Variants in CNTNAP2 observed in about 807,000 individuals in gnomAD.
The protein encoded by CNTNAP2 is contactin-associated protein-like 2.
In CNTNAP2, 98 loss-of-function variants were observed where a neutral mutation model predicts 155.2. That is an observed-to-expected ratio of 0.63 (90% CI 0.54 to 0.75). The LOEUF (loss-of-function observed/expected upper bound fraction) is 0.75, where lower values mean the gene tolerates loss of function less well. Among genes scored for constraint, CNTNAP2 ranks in the 30% least tolerant of loss-of-function variants. CNTNAP2 has a pLI of 0.00. For synonymous variants in CNTNAP2, 651 were observed against 631.2 expected (o/e 1.03, Z -0.47); for missense variants, 1,727 against 1,688.1 (o/e 1.02, Z -0.40).
At chr7:147,733,820 T>C (rs1474934069) in intron 13 of CNTNAP2, among the ~76,000 whole-genome samples, 1 of 152,224 alleles carries the variant, frequency 6.6e-6, no homozygotes, top group Admixed American at 6.5e-5. Context: ...GCTCTCTGTC[T>C]GTTATTGGTG....
At chr7:146,776,118 A>C (rs1802386033) in intron 2 of CNTNAP2, among the ~76,000 whole-genome samples, 1 of 152,174 alleles carries the variant, frequency 6.6e-6, no homozygotes. Context: ...GGGACTGGCC[A>C]TACCCAAATG....
intron 3 of CNTNAP2, among the ~76,000 whole-genome samples, chr7:146,928,876 G>C (rs1372820203): frequency 2.0e-5 from 3 of 152,212 alleles, no homozygotes; most frequent in African/African-American, 7.2e-5. Context: ...TGGCAGGGAG[G>C]CTGGGGGAGG....
intron 3 of CNTNAP2, among the ~76,000 whole-genome samples, chr7:146,848,350 A>G (rs1214948787): frequency 2.0e-5 from 3 of 152,218 alleles, no homozygotes; most frequent in Non-Finnish European, 4.4e-5. Context: ...TATCGTGAAA[A>G]AAGAGTGAGC....
chr7:148,340,445 C>T (rs1563050137), intron 21 of CNTNAP2, among the ~76,000 whole-genome samples: 1 of 152,088 alleles, frequency 6.6e-6, no homozygotes. Context: ...TTTGGTTTTC[C>T]CCTTTTGAAA....
chr7:147,895,244 G>C (rs7806845), intron 13 of CNTNAP2, among the ~76,000 whole-genome samples: 2,603 of 151,906 alleles, frequency 0.017, 74 homozygotes, highest in African/African-American at 0.057. Context: ...AAAGTGTTGG[G>C]ACTACAGGCG....
chr7:146,797,788 ATTTG>A (rs1802797961), intron 2 of CNTNAP2, among the ~76,000 whole-genome samples: 4 of 152,136 alleles, frequency 2.6e-5, no homozygotes, highest in Admixed American at 2.0e-4. Flanking sequence ...TTCAAAATGT[ATTTG>A]TTTGTTCATT....
chr7:147,397,980 GCAA>G, intron 10 of CNTNAP2, among the ~76,000 whole-genome samples: 1 of 151,900 alleles, frequency 6.6e-6, no homozygotes, highest in East Asian at 1.9e-4. Context: ...TTTTTTTAAG[GCAA>G]CAACATCTGT....
chr7:147,878,643 A>C (rs531945484), intron 13 of CNTNAP2, among the ~76,000 whole-genome samples: 1 of 152,210 alleles, frequency 6.6e-6, no homozygotes, highest in South Asian at 2.1e-4. Flanking sequence ...GTTACTCCCT[A>C]ATCTTTCTTT....
At position 146,286,149 on chromosome 7, in the gene CNTNAP2, G is replaced by A. The variant is rs769148472; in HGVS notation, c.97+169176G>A. 1.1e-3 allele frequency among the ~76,000 whole-genome samples: 164 copies of A among 149,272 alleles called. 3 individuals are homozygous for A. Among genetic ancestry groups the A allele is most frequent in the Non-Finnish European group, 7.3e-4 (49 of 67,546 alleles). Reference sequence around the variant, plus strand: ...AACATAGTCTATGTGCTGAGGTGGGGAAAGCATGGGAGATTTGGAATCAGA... The same window carrying A: ...AACATAGTCTATGTGCTGAGGTGGGAAAAGCATGGGAGATTTGGAATCAGA... On this transcript the variant is annotated intron_variant, in intron 1 of 23. Coordinates refer to ENST00000361727, the MANE Select transcript of CNTNAP2 (RefSeq NM_014141.6).
intron 3 of CNTNAP2, among the ~76,000 whole-genome samples, chr7:146,848,740 G>C (rs534261146): frequency 2.6e-5 from 4 of 152,190 alleles, no homozygotes; most frequent in African/African-American, 7.2e-5. Context: ...CGTTTTTCCT[G>C]ACTTTCTGAC....
At chr7:148,068,570 C>T (rs138159900) in intron 15 of CNTNAP2, among the ~76,000 whole-genome samples, 13 of 152,258 alleles carry the variant, frequency 8.5e-5, no homozygotes, top group Admixed American at 5.2e-4. Flanking sequence ...TATGCTTAAG[C>T]TTTGTTCTGG....
chr7:146,224,462 T>C (rs1334875013), intron 1 of CNTNAP2, among the ~76,000 whole-genome samples: 2 of 150,240 alleles, frequency 1.3e-5, no homozygotes, highest in African/African-American at 2.4e-5. Flanking sequence ...AAACTAAGAT[T>C]TGGGGCCGGG....
intron 4 of CNTNAP2, among the ~76,000 whole-genome samples, chr7:147,060,889 A>G (rs1799655193): frequency 7.4e-6 from 1 of 135,278 alleles, no homozygotes; most frequent in Non-Finnish European, 1.5e-5. Flanking sequence ...AAAGAAAAAG[A>G]AAAAAACTGC....
intron 20 of CNTNAP2, among the ~76,000 whole-genome samples, chr7:148,245,078 G>C (rs1371237250): frequency 6.6e-6 from 1 of 152,000 alleles, no homozygotes; most frequent in Non-Finnish European, 1.5e-5. Flanking sequence ...TTTTGGACTG[G>C]AGTTGATTGA....
At chr7:146,683,869 G>T (rs1800548338) in intron 1 of CNTNAP2, among the ~76,000 whole-genome samples, 1 of 152,164 alleles carries the variant, frequency 6.6e-6, no homozygotes, top group East Asian at 1.9e-4. Context: ...TTGCCCTGTG[G>T]GTGTGTAGAA....
intron 1 of CNTNAP2, among the ~76,000 whole-genome samples, chr7:146,526,590 C>T (rs1797694930): frequency 6.6e-6 from 1 of 152,098 alleles, no homozygotes; most frequent in African/African-American, 2.4e-5. Flanking sequence ...CCCCCATGAT[C>T]CAGTGACCTC....
At chr7:148,318,671 A>G (rs1198390840) in intron 21 of CNTNAP2, among the ~76,000 whole-genome samples, 5 of 152,196 alleles carry the variant, frequency 3.3e-5, no homozygotes, top group Admixed American at 6.5e-5. Flanking sequence ...TTGTAGGAAC[A>G]CTGTTAACCT....
At chr7:148,200,770 A>T (rs1262596826) in intron 18 of CNTNAP2, among the ~76,000 whole-genome samples, 2 of 152,212 alleles carry the variant, frequency 1.3e-5, no homozygotes, top group Non-Finnish European at 2.9e-5. Context: ...AGGCAATACA[A>T]CATAGTAGTT....
intron 3 of CNTNAP2, among the ~76,000 whole-genome samples, chr7:146,962,181 T>C (rs917853744): frequency 4.6e-5 from 7 of 152,186 alleles, no homozygotes; most frequent in African/African-American, 1.7e-4. Context: ...TGTTATTTCT[T>C]CTTTATATTC....
Sources: allele counts gnomAD v4.1 joint callset (sites outside exome capture counted in the v4.1 genomes callset), GRCh38; gene constraint gnomAD v4.1.1; transcripts MANE v1.5; gene names NCBI Gene and HGNC (gene_info 2026-07-23, HGNC 2026-07-21).